CA10: variants seen among roughly 807,000 people sequenced by gnomAD.
CA10 encodes carbonic anhydrase 10 (inactive), also known as carbonic anhydrase-related protein 10.
In CA10, 14 loss-of-function variants were observed where a neutral mutation model predicts 44.2. The observed-to-expected ratio is 0.32, with a 90% CI of 0.21 to 0.50. The LOEUF is 0.50. CA10 is among the 20% of genes least tolerant of loss of function. The pLI, the probability that CA10 is intolerant of heterozygous loss-of-function variation, is 0.99. For synonymous variants in CA10, 159 were observed against 141.6 expected (o/e 1.12, Z -0.87); for missense variants, 350 against 409.7 (o/e 0.85, Z 1.26).
At chr17:51,755,361 A>C (rs1383929594) in intron 3 of CA10, among the ~76,000 whole-genome samples, 1 of 152,202 alleles carries the variant, frequency 6.6e-6, no homozygotes, top group East Asian at 1.9e-4. Context: ...TAATGGAGAT[A>C]GCGCTTGTAG....
At chr17:51,945,108 C>T (rs549469033) in intron 2 of CA10, among the ~76,000 whole-genome samples, 1 of 152,160 alleles carries the variant, frequency 6.6e-6, no homozygotes, top group Non-Finnish European at 1.5e-5. Flanking sequence ...AAGAATTCCT[C>T]CTTTTCATCC....
rs1368748661 is a variant in CA10, at chr17:52,097,823, A to G, written c.62-25430T>C. On this transcript the variant is annotated intron_variant, in intron 1 of 8. Coordinates refer to ENST00000451037, the MANE Select transcript of CA10 (RefSeq NM_020178.5). ...CCCAGTAATAGTGGTATGCACAAGA[A>G]ACAAAGGTAGGACAGAATGAGGATG... 4.6e-5 allele frequency among the ~76,000 whole-genome samples: 7 copies of G among 152,220 alleles called. No individual in the cohort carries two copies. The South Asian group carries it at 1.4e-3, about 32-fold the overall frequency.
chr17:52,006,387 T>A (rs76174580), intron 2 of CA10, among the ~76,000 whole-genome samples: 5,137 of 151,968 alleles, frequency 0.034, 294 homozygotes, highest in African/African-American at 0.12. Flanking sequence ...TTTGGAATAT[T>A]AAAATGCTAA....
upstream of CA10, chr17:52,159,991 G>C (rs1177777578): frequency 6.6e-6 from 1 of 152,146 alleles, no homozygotes; most frequent in East Asian, 1.9e-4. Context: ...AGGATTTCTC[G>C]GCGCGCTTGT....
chr17:51,910,453 T>C (rs1229035180), intron 3 of CA10, among the ~76,000 whole-genome samples: 1 of 152,164 alleles, frequency 6.6e-6, no homozygotes, highest in Non-Finnish European at 1.5e-5. Flanking sequence ...AGAGTTGTTA[T>C]GGCTTACAGG....
intron 2 of CA10, among the ~76,000 whole-genome samples, chr17:52,020,719 G>A (rs1034240986): frequency 1.3e-5 from 2 of 151,820 alleles, no homozygotes; most frequent in Non-Finnish European, 2.9e-5. Context: ...TATATTGCAT[G>A]ATGCTGATGT....
chr17:51,727,178 C>A (rs1393465534), intron 4 of CA10, among the ~76,000 whole-genome samples: 2 of 152,164 alleles, frequency 1.3e-5, no homozygotes, highest in Non-Finnish European at 2.9e-5. Context: ...CCTACCAGAG[C>A]CTTCTGAGGA....
intron 3 of CA10, among the ~76,000 whole-genome samples, chr17:51,898,928 T>G (rs573652905): frequency 9.4e-5 from 14 of 148,668 alleles, no homozygotes; most frequent in African/African-American, 3.3e-4. Flanking sequence ...TGTGTTTATT[T>G]AGATCTTCTT....
At chr17:51,938,086 G>A (rs923513169) in intron 2 of CA10, among the ~76,000 whole-genome samples, 4 of 152,098 alleles carry the variant, frequency 2.6e-5, no homozygotes, top group African/African-American at 9.7e-5. Flanking sequence ...AAGATCATTA[G>A]TACCATGTCC....
intron 1 of CA10, among the ~76,000 whole-genome samples, chr17:52,104,899 A>T (rs1480265300): frequency 1.3e-5 from 2 of 152,182 alleles, no homozygotes; most frequent in Non-Finnish European, 2.9e-5. Context: ...ATTAATTAAC[A>T]GTAGAGCTTA....
At position 52,033,782 on chromosome 17, in the gene CA10, T is replaced by G. The variant is rs540333697; in HGVS notation, c.136+38537A>C. Among the ~76,000 whole-genome samples the G allele has an allele frequency of 3.3e-5, 5 of 152,312 alleles. No homozygotes were observed. The South Asian group carries it at 1.0e-3, about 32-fold the overall frequency. The stretch of plus-strand genomic sequence containing the variant: ...ACTGTACATAATGCTGCAATGAACA[T>G]GCAAGTGAAAATATCTCTTTTGATC... On this transcript the variant is annotated intron_variant, in intron 2 of 8. Coordinates refer to ENST00000451037, the MANE Select transcript of CA10 (RefSeq NM_020178.5).
chr17:51,676,868 C>G (rs1914640457), intron 4 of CA10, among the ~76,000 whole-genome samples: 1 of 152,128 alleles, frequency 6.6e-6, no homozygotes, highest in Admixed American at 6.5e-5. Flanking sequence ...AATCCTGAGA[C>G]TGTGCTCTTC....
rs536746177 is a variant in CA10, at chr17:51,670,665, C to T, written c.466-16929G>A. Among the ~76,000 whole-genome samples, 20 of 152,250 alleles carry T rather than the reference C, an allele frequency of 1.3e-4. No homozygotes were observed. The South Asian group carries it at 3.7e-3, about 28-fold the overall frequency. On this transcript the variant is annotated intron_variant, in intron 4 of 8. Transcript: ENST00000451037. ...TCCCCAAGTTTCCAGGTGCTTGTCT[C>T]TTATATCCACAATGAGTAACACCAC...
intron 2 of CA10, among the ~76,000 whole-genome samples, chr17:52,038,200 T>C (rs541531933): frequency 6.6e-6 from 1 of 152,104 alleles, no homozygotes; most frequent in African/African-American, 2.4e-5. Context: ...AACAACTGAG[T>C]GGGATACAGA....
chr17:52,129,444 C>T (rs1452143597), intron 1 of CA10, among the ~76,000 whole-genome samples: 2 of 152,152 alleles, frequency 1.3e-5, no homozygotes, highest in Admixed American at 6.5e-5. Flanking sequence ...GATGCCATTG[C>T]TATCCTCGTT....
upstream of CA10, chr17:52,159,902 G>A (rs1360621054): frequency 1.3e-5 from 2 of 152,200 alleles, no homozygotes; most frequent in Non-Finnish European, 2.9e-5. Context: ...TGCAGTGGTG[G>A]TTTGCGAAAG....
In CA10 at chr17:51,925,171, C is replaced by T. The variant is rs145572720; in HGVS notation, c.279+5819G>A. Among the ~76,000 whole-genome samples the T allele has an allele frequency of 2.9e-3, 435 of 152,222 alleles. 1 individual carries two copies. The highest frequency in any genetic ancestry group is 5.2e-3 in the Non-Finnish European group (355 of 67,998). ...TTCTGGGGAGCTGGGATTGCAGGTG[C>T]AAGCCACTGCACCCTGCTTCTTTTT... On this transcript the variant is annotated intron_variant, in intron 3 of 8. Coordinates refer to ENST00000451037, the MANE Select transcript of CA10 (RefSeq NM_020178.5).
intron 6 of CA10, among the ~76,000 whole-genome samples, chr17:51,642,246 A>G (rs1913119692): frequency 6.6e-6 from 1 of 152,206 alleles, no homozygotes; most frequent in African/African-American, 2.4e-5. Context: ...AAGCATTTCC[A>G]AAGCCGTTCC....
chr17:51,907,880 G>A (rs917025243), intron 3 of CA10, among the ~76,000 whole-genome samples: 1 of 152,114 alleles, frequency 6.6e-6, no homozygotes, highest in South Asian at 2.1e-4. Context: ...GTCCATGTCA[G>A]AGGATGTTTC....
Sources: gnomAD v4.1 joint callset for allele counts (sites outside exome capture counted in the v4.1 genomes callset) on GRCh38, gnomAD v4.1.1 for gene constraint, MANE v1.5 for transcripts, NCBI Gene and HGNC (gene_info 2026-07-23, HGNC 2026-07-21) for gene names.